COL4A6: variants seen among roughly 807,000 people sequenced by gnomAD.
The protein encoded by COL4A6 is collagen alpha-6(IV) chain.
Under a neutral mutation model 126.7 loss-of-function variants are expected in COL4A6, and 59 were observed. That is an observed-to-expected ratio of 0.47 (90% CI 0.38 to 0.58). The LOEUF (loss-of-function observed/expected upper bound fraction) is 0.58, where lower values mean the gene tolerates loss of function less well. COL4A6 is among the 20% of genes least tolerant of loss of function. The pLI is 0.00. For missense variants in COL4A6, 1,285 were observed against 1,337.3 expected, an observed-to-expected ratio of 0.96 and a Z score of 0.61; for synonymous variants, 547 against 496.6, an observed-to-expected ratio of 1.10 and a Z score of -1.35.
chrX:108,351,447 T>C (rs1234380926), intron 2 of COL4A6, among the ~76,000 whole-genome samples: 1 of 107,275 alleles, frequency 9.3e-6, no homozygotes. Flanking sequence ...TCTCTCTGTG[T>C]GTGTGTGTGT....
At chrX:108,171,499 A>C in intron 32 of COL4A6, 38 bp from the exon 33 acceptor site, 1 of 1,095,802 alleles carries the variant, frequency 9.1e-7, no homozygotes, top group Admixed American at 2.3e-5. Flanking sequence ...GGCCAGGAGA[A>C]GCTATAGCTC....
At chrX:108,221,635 A>C in intron 3 of COL4A6, among the ~76,000 whole-genome samples, 1 of 112,739 alleles carries the variant, frequency 8.9e-6, no homozygotes, top group South Asian at 3.7e-4. Context: ...ACTTCTTAGG[A>C]AATCAGTTAT....
At chrX:108,165,070 C>T (rs760642708) in intron 38 of COL4A6, 32 bp from the exon 39 acceptor site, 1 of 1,165,430 alleles carries the variant, frequency 8.6e-7, no homozygotes, top group Non-Finnish European at 1.2e-6. Context: ...GGGCGAGGGG[C>T]AGGTGAACAG....
chrX:108,423,079 A>G (rs1357193176), intron 2 of COL4A6, among the ~76,000 whole-genome samples: 1 of 112,427 alleles, frequency 8.9e-6, no homozygotes, highest in African/African-American at 3.2e-5. Flanking sequence ...TCAGACAACA[A>G]AACTGAAAAT....
intron 2 of COL4A6, among the ~76,000 whole-genome samples, chrX:108,352,831 A>C (rs1445182400): frequency 3.6e-5 from 4 of 112,258 alleles, no homozygotes; most frequent in African/African-American, 1.3e-4. Flanking sequence ...GCATTGAGCT[A>C]TGTATGCCAT....
intron 7 of COL4A6, among the ~76,000 whole-genome samples, 173 bp downstream of exon 7, chrX:108,211,499 T>A (rs1308363977): frequency 8.8e-6 from 1 of 113,189 alleles, no homozygotes; most frequent in Non-Finnish European, 1.9e-5. Context: ...TTGCAAACAT[T>A]TATGTCAATG....
chrX:108,270,465 A>G (rs1275986290), intron 3 of COL4A6, among the ~76,000 whole-genome samples: 1 of 112,475 alleles, frequency 8.9e-6, no homozygotes, highest in Admixed American at 9.4e-5. Flanking sequence ...CACTGGTCCT[A>G]GGAAGAGAAG....
At chrX:108,221,494 G>C (rs1055197616) in intron 3 of COL4A6, 120 bp from the exon 4 acceptor site, 1 of 811,889 alleles carries the variant, frequency 1.2e-6, no homozygotes, top group Non-Finnish European at 1.7e-6. Context: ...TAAGAGATCT[G>C]TGAGGCACGC....
chrX:108,246,266 G>A, intron 3 of COL4A6, among the ~76,000 whole-genome samples: 1 of 111,744 alleles, frequency 8.9e-6, no homozygotes, highest in Non-Finnish European at 1.9e-5. Context: ...GTTATTATAA[G>A]GATTACATGA....
chrX:108,327,413 C>T (rs560723580), intron 2 of COL4A6, among the ~76,000 whole-genome samples: 1 of 85,822 alleles, frequency 1.2e-5, no homozygotes, highest in South Asian at 8.0e-4. Flanking sequence ...TCTCATATGT[C>T]AGCAGTCCCC....
intron 20 of COL4A6, 29 bp downstream of exon 20, chrX:108,190,363 G>T: frequency 9.3e-7 from 1 of 1,074,932 alleles, no homozygotes; most frequent in South Asian, 2.0e-5. Context: ...GAGTTTGGAG[G>T]ACCAAGAAAC....
rs2034465343 is a variant in COL4A6 at position 108,175,755 on chromosome X, G to A, written c.2729C>T (p.Pro910Leu). ...SVGFVGFPGIPGLPGIPGTRG... is the reference protein window; with the variant it reads ...SVGFVGFPGILGLPGIPGTRG... ...TGTTCCAGGAATACCAGGCAGACCTGGTATTCCTGGAAAACCTACGAATCC... is the reference window on the plus strand; with the variant it reads ...TGTTCCAGGAATACCAGGCAGACCTAGTATTCCTGGAAAACCTACGAATCC... Residue 910 changes from proline to leucine, a missense_variant, in exon 29 of 45, where the codon CCA (proline) becomes CTA (leucine). Transcript: ENST00000334504. The A allele has an allele frequency of 1.7e-6, 2 of 1,190,602 alleles. No homozygotes were observed. The highest frequency in any genetic ancestry group is 1.8e-5 in the African/African-American group (1 of 55,425).
chrX:108,343,165 AGTG>A (rs1176026413), intron 2 of COL4A6, among the ~76,000 whole-genome samples: 11 of 31,410 alleles, frequency 3.5e-4, no homozygotes, highest in African/African-American at 5.4e-4. Context: ...ATATATATAT[AGTG>A]TGTGTGTGTG....
intron 3 of COL4A6, among the ~76,000 whole-genome samples, chrX:108,302,753 A>G (rs1016835797): frequency 9.0e-6 from 1 of 111,337 alleles, no homozygotes; most frequent in African/African-American, 3.3e-5. Flanking sequence ...GAGTATGCAC[A>G]ACAGGAAAGC....
At chrX:108,161,493 AGGAG>A (rs1331680114) in intron 42 of COL4A6, 122 bp downstream of exon 42, 5 of 472,267 alleles carry the variant, frequency 1.1e-5, no homozygotes, top group Non-Finnish European at 1.9e-5. Flanking sequence ...TGAGCATCTT[AGGAG>A]TGTCAAGCTC....
intron 2 of COL4A6, among the ~76,000 whole-genome samples, chrX:108,353,654 AGGT>A (rs770897918): frequency 1.3e-4 from 14 of 111,798 alleles, no homozygotes; most frequent in Non-Finnish European, 1.9e-4. Flanking sequence ...GTGGAGGAGG[AGGT>A]GGTGGGAAAG....
At chrX:108,162,807 C>A (rs2034002794) in intron 41 of COL4A6, 85 bp downstream of exon 41, 1 of 982,888 alleles carries the variant, frequency 1.0e-6, no homozygotes, top group Non-Finnish European at 1.4e-6. Flanking sequence ...GAAGACACAC[C>A]CTTGGAGGTG....
At chrX:108,167,743 T>C (rs1329223633) in intron 37 of COL4A6, among the ~76,000 whole-genome samples, 2 of 111,955 alleles carry the variant, frequency 1.8e-5, no homozygotes, top group Non-Finnish European at 3.8e-5. Flanking sequence ...ATGATATTTC[T>C]TGTATTCTTT....
chrX:108,367,301 G>A (rs1027745757), intron 2 of COL4A6, among the ~76,000 whole-genome samples: 2 of 111,848 alleles, frequency 1.8e-5, no homozygotes, highest in African/African-American at 3.2e-5. Context: ...AGGATTAAAT[G>A]GTATAATGTA....
Sources: gnomAD v4.1 joint callset for allele counts (sites outside exome capture counted in the v4.1 genomes callset) on GRCh38, gnomAD v4.1.1 for gene constraint, MANE v1.5 for transcripts, NCBI Gene and HGNC (gene_info 2026-07-23, HGNC 2026-07-21) for gene names.